Variants in TIMM23B observed in about 807,000 individuals in gnomAD.
TIMM23B encodes the protein mitochondrial import inner membrane translocase subunit Tim23B.
Under a neutral mutation model 27.3 loss-of-function variants are expected in TIMM23B, and 27 were observed. The observed-to-expected ratio is 0.99, with a 90% CI of 0.73 to 1.36. The LOEUF (loss-of-function observed/expected upper bound fraction) is 1.36, where lower values mean the gene tolerates loss of function less well. TIMM23B is among the 40% of genes most tolerant of loss of function. The pLI, the probability that TIMM23B is intolerant of heterozygous loss-of-function variation, is 0.00. For missense variants in TIMM23B, 205 were observed against 244.2 expected, an observed-to-expected ratio of 0.84 and a Z score of 1.07; for synonymous variants, 73 against 92.4, an observed-to-expected ratio of 0.79 and a Z score of 1.21.
At chr10:49,950,662 C>T (rs1411195333) in intron 2 of TIMM23B, among the ~76,000 whole-genome samples, 1 of 151,708 alleles carries the variant, frequency 6.6e-6, no homozygotes, top group East Asian at 1.9e-4. Context: ...CTGCCTCAGC[C>T]TCCCAAGTAG....
chr10:49,945,165 G>C, intron 2 of TIMM23B, 75 bp downstream of exon 2: 1 of 1,472,688 alleles, frequency 6.8e-7, no homozygotes, highest in South Asian at 1.2e-5. Context: ...ATGCTGACTT[G>C]AACTATGACA....
chr10:49,956,874 GAA>G (rs1217128333), intron 5 of TIMM23B, among the ~76,000 whole-genome samples: 1 of 129,776 alleles, frequency 7.7e-6, no homozygotes, highest in African/African-American at 2.6e-5. Context: ...CTTTTGTGTT[GAA>G]AAAAAAAAAC....
intron 6 of TIMM23B, among the ~76,000 whole-genome samples, chr10:49,964,110 AATGAAATGAAGAAAT>A (rs1840024017): frequency 1.3e-5 from 2 of 151,976 alleles, no homozygotes; most frequent in African/African-American, 4.8e-5. Context: ...GAATGGAATA[AATGAAATGAAGAAAT>A]ATGAAATGCC....
At chr10:49,971,035 C>G (rs1840421337) in intron 6 of TIMM23B, among the ~76,000 whole-genome samples, 1 of 152,118 alleles carries the variant, frequency 6.6e-6, no homozygotes, top group African/African-American at 2.4e-5. Flanking sequence ...TACCCCCAAC[C>G]CGGTGCTCTC....
chr10:49,968,918 T>C (rs1840291578), intron 6 of TIMM23B, among the ~76,000 whole-genome samples: 1 of 152,248 alleles, frequency 6.6e-6, no homozygotes, highest in South Asian at 2.1e-4. Context: ...AATACCTTGC[T>C]CATCTATAAA....
intron 4 of TIMM23B, chr10:49,954,183 C>T (rs1165767395): frequency 2.8e-5 from 5 of 179,154 alleles, no homozygotes; most frequent in African/African-American, 4.7e-5. Flanking sequence ...GAATGAGTTC[C>T]TTCACTCTTT....
At chr10:49,957,602 A>G (rs1245968127) in intron 5 of TIMM23B, among the ~76,000 whole-genome samples, 8 of 152,058 alleles carry the variant, frequency 5.3e-5, no homozygotes, top group Admixed American at 5.2e-4. Flanking sequence ...CAAGGAATAC[A>G]TAAGGTGAGG....
At position 49,958,357 on chromosome 10, in the gene TIMM23B, A is replaced by C; in HGVS notation, c.404-13A>C. 1 of 1,613,552 alleles carries C rather than the reference A, an allele frequency of 6.2e-7. No individual in the cohort carries two copies. Among genetic ancestry groups the C allele is most frequent in the South Asian group, 1.1e-5 (1 of 91,070 alleles). ...CACTGTTTTGTCACTGAGCACTTCC[A>C]TTTCCTCTTTAGCGTTGCTCTATAG... On this transcript the variant is annotated splice_polypyrimidine_tract_variant and intron_variant, in intron 5 of 6. Transcript: ENST00000651259.
Position 49,952,535 on chromosome 10 carries a change from T to G in TIMM23B, c.344+2T>G. 6.2e-7 allele frequency: 1 copy of G among 1,613,180 alleles called. No individual in the cohort carries two copies. The highest frequency in any genetic ancestry group is 8.5e-7 in the Non-Finnish European group (1 of 1,179,410). On this transcript the variant is annotated splice_donor_variant, in intron 4 of 6. Coordinates refer to ENST00000651259, the MANE Select transcript of TIMM23B (RefSeq NM_001290117.2). LOFTEE classifies it high-confidence loss of function. The stretch of plus-strand genomic sequence containing the variant: ...CTGGTCCAAACCAGGAAATGTACAG[T>G]AAGTCTCTTGTAACCATCTGATGTA...
At chr10:49,965,412 A>G (rs1431794048) in intron 6 of TIMM23B, among the ~76,000 whole-genome samples, 3 of 151,608 alleles carry the variant, frequency 2.0e-5, no homozygotes, top group Non-Finnish European at 4.4e-5. Flanking sequence ...ATGAAATTGA[A>G]AAATGAAATG....
chr10:49,957,105 C>T (rs61847089), intron 5 of TIMM23B, among the ~76,000 whole-genome samples: 1 of 151,992 alleles, frequency 6.6e-6, no homozygotes, highest in East Asian at 1.9e-4. Context: ...TGATGCTGAT[C>T]GCAAGCTCCA....
rs1277078162 is a variant in TIMM23B at position 49,942,670 on chromosome 10, T to C, written c.106+370T>C. ...AATAGCAAGCCCGTAGTTAACTTTT[T>C]AGTACACAGTGACATATTCTGAGCC... is the stretch of plus-strand genomic sequence containing the variant. On this transcript the variant is annotated intron_variant, in intron 1 of 6. Transcript: ENST00000651259. Among the ~76,000 whole-genome samples, 16 of 152,320 alleles carry C rather than the reference T, an allele frequency of 1.1e-4. 1 individual carries two copies. Among genetic ancestry groups the C allele is most frequent in the African/African-American group, 3.6e-4 (15 of 41,578 alleles).
At chr10:49,965,146 G>A (rs1840083453) in intron 6 of TIMM23B, among the ~76,000 whole-genome samples, 1 of 152,126 alleles carries the variant, frequency 6.6e-6, no homozygotes, top group Non-Finnish European at 1.5e-5. Flanking sequence ...CTTGTACCCA[G>A]GAGGTAGAGG....
chr10:49,961,020 A>G (rs1839878231), intron 6 of TIMM23B, among the ~76,000 whole-genome samples: 1 of 151,910 alleles, frequency 6.6e-6, no homozygotes. Context: ...TGGAGGTAGA[A>G]GCCTAAAGTC....
At position 49,942,227 on chromosome 10, in the gene TIMM23B, C is replaced by T; in HGVS notation, c.33C>T (p.Thr11=). The T allele has an allele frequency of 1.2e-6, 2 of 1,612,384 alleles. No homozygotes were observed. The highest frequency in any genetic ancestry group is 1.1e-5 in the South Asian group (1 of 90,726). The change falls in exon 1 of 7, where the codon ACC becomes ACT. Residue 11 remains threonine, a synonymous_variant. Transcript: ENST00000651259. ...GAGGCGGGGGAAGCGGCGACAAAAC[C>T]ACAGGGGTATTGGCCGGCTTTTTCG... MEGGGGSGDK[T]TGVLAGFFGA...
intron 5 of TIMM23B, among the ~76,000 whole-genome samples, chr10:49,957,808 CTT>C (rs1346440329): frequency 6.6e-6 from 1 of 152,162 alleles, no homozygotes; most frequent in Non-Finnish European, 1.5e-5. Context: ...CATGGACAAC[CTT>C]ATAGAACTGT....
chr10:49,956,565 G>T (rs2133074264), intron 5 of TIMM23B, among the ~76,000 whole-genome samples: 1 of 145,712 alleles, frequency 6.9e-6, no homozygotes, highest in East Asian at 2.0e-4. Context: ...GTACTTTCTA[G>T]AAATAGCTAT....
chr10:49,945,441 C>A (rs1166033360), intron 2 of TIMM23B, among the ~76,000 whole-genome samples: 2 of 152,118 alleles, frequency 1.3e-5, no homozygotes, highest in African/African-American at 4.8e-5. Context: ...AGTGCAGTAG[C>A]GCGATCTCTG....
chr10:49,952,054 G>A (rs1839550500), intron 2 of TIMM23B, 72 bp from the exon 3 acceptor site: 5 of 1,183,130 alleles, frequency 4.2e-6, no homozygotes, highest in South Asian at 1.3e-5. Context: ...TACTTGAAAT[G>A]TTAAAAAGGC....
Sources: gnomAD v4.1 joint callset for allele counts (sites outside exome capture counted in the v4.1 genomes callset) on GRCh38, gnomAD v4.1.1 for gene constraint, MANE v1.5 for transcripts, NCBI Gene and HGNC (gene_info 2026-07-23, HGNC 2026-07-21) for gene names.